Variants in MLN observed in about 807,000 individuals in gnomAD.
The protein encoded by MLN is motilin.
Under a neutral mutation model 13.3 loss-of-function variants are expected in MLN, and 14 were observed. That is an observed-to-expected ratio of 1.05 (90% CI 0.69 to 1.64). MLN has a LOEUF of 1.64. Ranked by LOEUF, MLN falls within the 40% of genes most tolerant of loss-of-function variation. The probability of loss-of-function intolerance (pLI) is 0.00; values close to 1 mark genes in which losing one functional copy is unlikely to be tolerated. For synonymous variants in MLN, 59 were observed against 54.7 expected (o/e 1.08, Z -0.34); for missense variants, 122 against 142.9 (o/e 0.85, Z 0.75).
At position 33,799,996 on chromosome 6, in the gene MLN, G is replaced by A. The variant is rs996257622; in HGVS notation, c.118-775C>T. Among the ~76,000 whole-genome samples, 5 of 152,172 alleles carry A rather than the reference G, an allele frequency of 3.3e-5. No individual in the cohort carries two copies. Among genetic ancestry groups the A allele is most frequent in the Non-Finnish European group, 5.9e-5 (4 of 68,026 alleles). On this transcript the variant is annotated intron_variant, in intron 2 of 4. Coordinates refer to ENST00000430124, the MANE Select transcript of MLN (RefSeq NM_002418.3). The surrounding 1 kb of genome is among the most constrained non-coding windows in gnomAD (Gnocchi z 4.6). ...GTCATCCTGTGGGGAGTGTGCTGGC[G>A]TGGAGGAAAGTGTGTTGGGGCCTGC...
At position 33,799,839 on chromosome 6, in the gene MLN, C is replaced by T. The variant is rs1582277054; in HGVS notation, c.118-618G>A. ...TTGGGTTTGACTGTTCCTGTCCAGCCCCCAGTCTTGCCCGGCATGCTGCTG... is the reference window on the plus strand; with the variant it reads ...TTGGGTTTGACTGTTCCTGTCCAGCTCCCAGTCTTGCCCGGCATGCTGCTG... On this transcript the variant is annotated intron_variant, in intron 2 of 4. Coordinates refer to ENST00000430124, the MANE Select transcript of MLN (RefSeq NM_002418.3). The surrounding 1 kb of genome is among the most constrained non-coding windows in gnomAD (Gnocchi z 4.6). Among the ~76,000 whole-genome samples, 1 of 152,160 alleles carries T rather than the reference C, an allele frequency of 6.6e-6. No homozygotes were observed. Among genetic ancestry groups the T allele is most frequent in the South Asian group, 2.1e-4 (1 of 4,822 alleles).
chr6:33,798,726 A>G (rs1417471998), intron 3 of MLN, among the ~76,000 whole-genome samples: 1 of 152,068 alleles, frequency 6.6e-6, no homozygotes, highest in African/African-American at 2.4e-5. Flanking sequence ...CAGTCTTTGC[A>G]CTCACTGTTC....
At chr6:33,796,061 G>A (rs1049825229) in intron 3 of MLN, among the ~76,000 whole-genome samples, 1 of 149,946 alleles carries the variant, frequency 6.7e-6, no homozygotes, top group African/African-American at 2.5e-5. Flanking sequence ...CCGGGTTCAC[G>A]CCATTCTCCT....
At position 33,799,397 on chromosome 6, in the gene MLN, A is replaced by G. The variant is rs149863942; in HGVS notation, c.118-176T>C. Among the ~76,000 whole-genome samples the G allele has an allele frequency of 1.3e-5, 2 of 152,328 alleles. No homozygotes were observed. The highest frequency in any genetic ancestry group is 3.9e-4 in the East Asian group (2 of 5,176). On this transcript the variant is annotated intron_variant, in intron 2 of 4. Transcript: ENST00000430124. The surrounding 1 kb of genome is among the most constrained non-coding windows in gnomAD (Gnocchi z 4.6). ...AATCTCAGATACTAACTAGTGGCTC[A>G]TGGATGTCCCTTGAGGTTGCCCACC...
chr6:33,802,939 G>A (rs2127389344), intron 1 of MLN, among the ~76,000 whole-genome samples: 1 of 152,250 alleles, frequency 6.6e-6, no homozygotes, highest in Admixed American at 6.5e-5. Context: ...TTCACAGAGA[G>A]GCTATAGATC....
At position 33,799,138 on chromosome 6, in the gene MLN, C is replaced by T. The variant is rs778626354; in HGVS notation, c.201G>A (p.Glu67=). 4 of 1,611,804 alleles carry T rather than the reference C, an allele frequency of 2.5e-6. No homozygotes were observed. The highest frequency in any genetic ancestry group is 3.4e-6 in the Non-Finnish European group (4 of 1,178,236). The part of the protein sequence containing the change: ...SGEEGPVDPA[E]PIREEENEMI... Reference sequence around the variant, plus strand: ...TTTCGTTTTCTTCTTCCCTGATGGGCTCCGCAGGGTCTACAGGACCTTCCT... The same window carrying T: ...TTTCGTTTTCTTCTTCCCTGATGGGTTCCGCAGGGTCTACAGGACCTTCCT... The change falls in exon 3 of 5, where the codon GAG becomes GAA. Residue 67 remains glutamate (E), a synonymous_variant. Coordinates refer to ENST00000430124, the MANE Select transcript of MLN (RefSeq NM_002418.3). The surrounding 1 kb of genome is among the most constrained non-coding windows in gnomAD (Gnocchi z 4.6).
Position 33,794,755 on chromosome 6 carries a change from T to C in MLN, c.*70A>G. 1.3e-6 allele frequency: 2 copies of C among 1,584,156 alleles called. No homozygotes were observed. The highest frequency in any genetic ancestry group is 1.7e-6 in the Non-Finnish European group (2 of 1,161,872). ...TTCCAAGCCCAGCTGGCAGGCTCTG[T>C]AAATTCCCAGGGCCTCACTTGGGCA... On this transcript the variant is annotated 3_prime_UTR_variant, in exon 5 of 5. Transcript: ENST00000430124.
In MLN at chr6:33,799,335, GA is replaced by G; in HGVS notation, c.118-115del. 1 of 644,658 alleles carries G rather than the reference GA, an allele frequency of 1.6e-6. No homozygotes were observed. Among genetic ancestry groups the G allele is most frequent in the Non-Finnish European group, 2.7e-6 (1 of 368,342 alleles). The allele number at this position is 644,658 out of a possible 1,614,324, so 39.9% of individuals were successfully genotyped here. On this transcript the variant is annotated intron_variant, in intron 2 of 4. Coordinates refer to ENST00000430124, the MANE Select transcript of MLN (RefSeq NM_002418.3). This position sits in a 1 kb window ranked among gnomAD's most constrained non-coding sequence, Gnocchi z 4.6. ...GTCTGCCCTGAGCTCCCTACAGACT[GA>G]AAGAACCCTTTCCTCCAGGAGCCTC... is the stretch of plus-strand genomic sequence containing the variant.
chr6:33,796,893 C>G (rs1283536492), intron 3 of MLN, among the ~76,000 whole-genome samples: 1 of 152,216 alleles, frequency 6.6e-6, no homozygotes, highest in Non-Finnish European at 1.5e-5. Flanking sequence ...CATACAATGT[C>G]CCCGGGCAAC....
In MLN at chr6:33,795,469, G is replaced by A. The variant is rs574764803; in HGVS notation, c.337+34C>T. The A allele has an allele frequency of 6.5e-6, 10 of 1,529,544 alleles. No homozygotes were observed. In the East Asian group the frequency reaches 9.8e-5, roughly 15 times the overall value. 94.7% of individuals were successfully genotyped at this position (1,529,544 alleles called of 1,614,324 possible). A position where few individuals can be genotyped will look rare whatever the true frequency, so the allele number is the denominator to read the frequency against. On this transcript the variant is annotated intron_variant, in intron 4 of 4. Coordinates refer to ENST00000430124, the MANE Select transcript of MLN (RefSeq NM_002418.3). ...ATTAACGCCAGGGTGGGCGGAGGCC[G>A]GCCAAGCCACAGAGATGCCCGCCCT...
intron 2 of MLN, among the ~76,000 whole-genome samples, chr6:33,800,478 G>GCTGGCTCCCATTGGTCC (rs1768017411): frequency 6.6e-6 from 1 of 152,200 alleles, no homozygotes; most frequent in Admixed American, 6.5e-5. Context: ...GCCTCTGGGC[G>GCTGGCTCCCATTGGTCC]CTGGCTCCCA....
chr6:33,800,179 C>A (rs576575267), intron 2 of MLN, among the ~76,000 whole-genome samples: 234 of 152,324 alleles, frequency 1.5e-3, no homozygotes, highest in African/African-American at 5.4e-3. Context: ...AGCCTCGAGA[C>A]CTCCCTGGGC....
chr6:33,800,975 T>C, intron 2 of MLN, 72 bp downstream of exon 2: 1 of 1,209,266 alleles, frequency 8.3e-7, no homozygotes. Context: ...CTTTACACTT[T>C]CCTTGGTATC....
chr6:33,802,755 G>C (rs35964955), intron 1 of MLN, among the ~76,000 whole-genome samples: 1 of 152,102 alleles, frequency 6.6e-6, no homozygotes, highest in Non-Finnish European at 1.5e-5. Context: ...CCAGGAAGCC[G>C]AGGCCTTGTG....
intron 3 of MLN, among the ~76,000 whole-genome samples, chr6:33,797,425 T>A (rs1767951653): frequency 6.6e-6 from 1 of 152,180 alleles, no homozygotes; most frequent in Non-Finnish European, 1.5e-5. Flanking sequence ...CTGGGCAATG[T>A]CTCTGCCTGG....
intron 1 of MLN, 54 bp from the exon 2 acceptor site, chr6:33,801,224 G>T: frequency 7.3e-7 from 1 of 1,362,130 alleles, no homozygotes; most frequent in East Asian, 2.3e-5. Flanking sequence ...GTGGCAGACT[G>T]CTGTGTCCGA....
chr6:33,794,856 G>A (rs770720493), intron 4 of MLN, 21 bp from the exon 5 acceptor site: 13 of 1,613,472 alleles, frequency 8.1e-6, no homozygotes, highest in Admixed American at 3.3e-5. Flanking sequence ...GCAGAGGTTT[G>A]CGCTCAGTAC....
intron 1 of MLN, among the ~76,000 whole-genome samples, chr6:33,801,520 C>T (rs1257577464): frequency 6.6e-6 from 1 of 152,212 alleles, no homozygotes; most frequent in Non-Finnish European, 1.5e-5. Flanking sequence ...CCTCATCTTT[C>T]AGAGAAGGAA....
chr6:33,797,452 C>T (rs942366226), intron 3 of MLN, among the ~76,000 whole-genome samples: 3 of 152,346 alleles, frequency 2.0e-5, no homozygotes, highest in Middle Eastern at 6.8e-3. Flanking sequence ...AAGAGCATCT[C>T]GGTTTTCAGG....
Sources: gnomAD v4.1 joint callset for allele counts (sites outside exome capture counted in the v4.1 genomes callset) on GRCh38, gnomAD v4.1.1 for gene constraint, Gnocchi (gnomAD v3.1) non-coding constraint, MANE v1.5 for transcripts, NCBI Gene and HGNC (gene_info 2026-07-23, HGNC 2026-07-21) for gene names.